SPRED1: variants seen among roughly 807,000 people sequenced by gnomAD.
SPRED1 encodes the protein sprouty-related, EVH1 domain-containing protein 1.
Under a neutral mutation model 52.3 loss-of-function variants are expected in SPRED1, and 18 were observed. The ratio of observed to expected loss-of-function variants is 0.34; its 90% CI spans 0.24 to 0.51. The LOEUF (loss-of-function observed/expected upper bound fraction) is 0.51, where lower values mean the gene tolerates loss of function less well. Among genes scored for constraint, SPRED1 ranks in the 20% least tolerant of loss-of-function variants. The pLI is 0.97. For missense variants in SPRED1, 485 were observed against 551.0 expected, an observed-to-expected ratio of 0.88 and a Z score of 1.20; for synonymous variants, 155 against 179.7, an observed-to-expected ratio of 0.86 and a Z score of 1.10.
In SPRED1 at chr15:38,306,085, G is replaced by A. The variant is rs1229225649; in HGVS notation, c.207+6538G>A. Among the ~76,000 whole-genome samples, 6 of 151,598 alleles carry A rather than the reference G, an allele frequency of 4.0e-5. 1 individual carries two copies. The East Asian group carries it at 6.0e-4, about 15-fold the overall frequency. ...AAAACTTGGGTCTAATACTTCTTTA[G>A]GATTCCCCACTGATTTCCTAGAGAC... On this transcript the variant is annotated intron_variant, in intron 2 of 6. Transcript: ENST00000299084.
Position 38,339,798 on chromosome 15 carries a change from T to A in SPRED1, c.485T>A (p.Val162Asp). The change falls in exon 5 of 7, where the codon GTT becomes GAT. Residue 162 changes from valine to aspartate, a missense_variant. Transcript: ENST00000299084. ...GATCACCTTTTTCAGCAAGAGACAGTTGTTACCAGTGAGCCTTATAGAAGC... is the reference window on the plus strand; with the variant it reads ...GATCACCTTTTTCAGCAAGAGACAGATGTTACCAGTGAGCCTTATAGAAGC... ...VKDHLFQQET[V>D]VTSEPYRSSN... 5 of 1,614,004 alleles carry A rather than the reference T, an allele frequency of 3.1e-6. No homozygotes were observed. Among genetic ancestry groups the A allele is most frequent in the Non-Finnish European group, 4.2e-6 (5 of 1,179,956 alleles).
intron 1 of SPRED1, among the ~76,000 whole-genome samples, chr15:38,287,543 C>T (rs1314217430): frequency 6.6e-6 from 1 of 152,144 alleles, no homozygotes; most frequent in African/African-American, 2.4e-5. Context: ...ATCTTGTAGA[C>T]TATCATTTTC....
chr15:38,277,866 T>C (rs926041284), intron 1 of SPRED1, among the ~76,000 whole-genome samples: 1 of 152,050 alleles, frequency 6.6e-6, no homozygotes, highest in Non-Finnish European at 1.5e-5. Context: ...TGATTAGTGA[T>C]GTTGAGCATT....
intron 1 of SPRED1, 126 bp from the exon 2 acceptor site, chr15:38,299,247 G>A (rs1895101973): frequency 5.7e-6 from 6 of 1,046,054 alleles, no homozygotes; most frequent in African/African-American, 1.6e-5. Context: ...GATTTTCATG[G>A]AAGTAGTAAA....
chr15:38,314,476 T>C (rs768247640), intron 2 of SPRED1, among the ~76,000 whole-genome samples: 4 of 151,906 alleles, frequency 2.6e-5, no homozygotes, highest in Admixed American at 6.6e-5. Context: ...TAATTCCAGC[T>C]GAACACTTTT....
intron 5 of SPRED1, among the ~76,000 whole-genome samples, chr15:38,342,184 A>C (rs761458267): frequency 2.0e-5 from 3 of 151,796 alleles, no homozygotes; most frequent in African/African-American, 7.3e-5. Context: ...GCTTATTCAA[A>C]TATATTTAAC....
intron 1 of SPRED1, among the ~76,000 whole-genome samples, chr15:38,262,043 T>C (rs1163773891): frequency 6.6e-6 from 1 of 151,392 alleles, no homozygotes. Context: ...TTTTATACTG[T>C]GAGATTGGGG....
At chr15:38,316,752 T>TG (rs1895491052) in intron 2 of SPRED1, among the ~76,000 whole-genome samples, 4 of 146,182 alleles carry the variant, frequency 2.7e-5, no homozygotes, top group African/African-American at 1.0e-4. Context: ...TTATATGTTT[T>TG]TTTTTTTTTT....
chr15:38,295,487 G>A (rs1895017203), intron 1 of SPRED1, among the ~76,000 whole-genome samples: 1 of 152,146 alleles, frequency 6.6e-6, no homozygotes, highest in Non-Finnish European at 1.5e-5. Flanking sequence ...GTAATCTTAT[G>A]GGACTGTTGT....
In SPRED1 at chr15:38,356,459, G is replaced by A. The variant is rs1888623775; in HGVS notation, c.*4795G>A. On this transcript the variant is annotated 3_prime_UTR_variant, in exon 7 of 7. Coordinates refer to ENST00000299084, the MANE Select transcript of SPRED1 (RefSeq NM_152594.3). Reference sequence around the variant, plus strand: ...ATTAAACCTGTCATGAATTATAAAAGGACTTTTTCTTATTCTCCTAGAGCT... The same window carrying A: ...ATTAAACCTGTCATGAATTATAAAAAGACTTTTTCTTATTCTCCTAGAGCT... 6.6e-6 allele frequency: 1 copy of A among 151,848 alleles called. No homozygotes were observed. The highest frequency in any genetic ancestry group is 1.5e-5 in the Non-Finnish European group (1 of 67,920). 9.4% of individuals were successfully genotyped at this position (151,848 alleles called of 1,614,324 possible).
At chr15:38,330,804 G>A (rs1895792759) in intron 4 of SPRED1, among the ~76,000 whole-genome samples, 1 of 152,050 alleles carries the variant, frequency 6.6e-6, no homozygotes, top group Non-Finnish European at 1.5e-5. Context: ...CAAGAATGAT[G>A]TTCTTGAGCA....
intron 5 of SPRED1, among the ~76,000 whole-genome samples, chr15:38,342,976 T>C (rs192867937): frequency 7.2e-4 from 110 of 152,258 alleles, no homozygotes; most frequent in African/African-American, 2.5e-3. Flanking sequence ...ATGTTCTATT[T>C]TAAAACTATT....
intron 1 of SPRED1, among the ~76,000 whole-genome samples, chr15:38,280,778 A>G (rs1185008279): frequency 6.6e-6 from 1 of 152,234 alleles, no homozygotes; most frequent in Non-Finnish European, 1.5e-5. Flanking sequence ...ACTTAAAAAT[A>G]ACTACTTGTG....
rs541801580 is a variant in SPRED1 at position 38,334,455 on chromosome 15, T to C, written c.424-5282T>C. ...GATTATGTGTATAGTCCTTTATACA[T>C]ATAAAATAACTCCTTGGAGAGAGAA... On this transcript the variant is annotated intron_variant, in intron 4 of 6. Transcript: ENST00000299084. Among the ~76,000 whole-genome samples, 5 of 152,140 alleles carry C rather than the reference T, an allele frequency of 3.3e-5. No homozygotes were observed. The East Asian group carries it at 7.7e-4, about 23-fold the overall frequency.
chr15:38,279,454 T>A (rs1894639219), intron 1 of SPRED1, among the ~76,000 whole-genome samples: 1 of 152,226 alleles, frequency 6.6e-6, no homozygotes, highest in Admixed American at 6.5e-5. Context: ...CTTATCAGGT[T>A]GCAAATTAGC....
chr15:38,279,117 T>C (rs898539027), intron 1 of SPRED1, among the ~76,000 whole-genome samples: 6 of 152,298 alleles, frequency 3.9e-5, no homozygotes, highest in South Asian at 2.1e-4. Flanking sequence ...TGAGCCACCA[T>C]GCCCAGCCTC....
At chr15:38,311,569 A>G (rs1431990751) in intron 2 of SPRED1, among the ~76,000 whole-genome samples, 1 of 152,172 alleles carries the variant, frequency 6.6e-6, no homozygotes, top group Non-Finnish European at 1.5e-5. Flanking sequence ...TCTTCAGAAG[A>G]TTTTAAATTA....
intron 2 of SPRED1, among the ~76,000 whole-genome samples, chr15:38,314,622 G>A (rs1522765): frequency 0.78 from 118,293 of 151,802 alleles, 47,391 homozygotes; most frequent in Non-Finnish European, 0.87. Context: ...AGGTAGAAGT[G>A]TGGGTTTATT....
At chr15:38,294,954 TGTAAAGG>T (rs1369467601) in intron 1 of SPRED1, among the ~76,000 whole-genome samples, 1 of 152,168 alleles carries the variant, frequency 6.6e-6, no homozygotes, top group Non-Finnish European at 1.5e-5. Context: ...TAATCTTTGG[TGTAAAGG>T]GTAAAGTTGC....
Sources: gnomAD v4.1 joint callset for allele counts (sites outside exome capture counted in the v4.1 genomes callset) on GRCh38, gnomAD v4.1.1 for gene constraint, MANE v1.5 for transcripts, NCBI Gene and HGNC (gene_info 2026-07-23, HGNC 2026-07-21) for gene names.